TMC5: variants seen among roughly 807,000 people sequenced by gnomAD.
TMC5 encodes the protein transmembrane channel like 5, also known as transmembrane channel-like protein 5.
In TMC5, 86 loss-of-function variants were observed where a neutral mutation model predicts 110.5. The observed-to-expected ratio is 0.78, with a 90% CI of 0.65 to 0.93. TMC5 has a LOEUF of 0.93. TMC5 is among the 40% of genes least tolerant of loss of function. The pLI, the probability that TMC5 is intolerant of heterozygous loss-of-function variation, is 0.00. For missense variants in TMC5, 1,144 were observed against 1,222.8 expected (o/e 0.94, Z 0.96); for synonymous variants, 455 against 439.5 (o/e 1.04, Z -0.44).
chr16:19,434,343 T>TTATA (rs1233196809), intron 2 of TMC5, among the ~76,000 whole-genome samples: 2 of 122,196 alleles, frequency 1.6e-5, no homozygotes, highest in Admixed American at 2.1e-4. Flanking sequence ...ATAATATATA[T>TTATA]TATATGATCT....
At chr16:19,467,161 A>G (rs113558140) in intron 9 of TMC5, among the ~76,000 whole-genome samples, 19 of 150,392 alleles carry the variant, frequency 1.3e-4, no homozygotes, top group African/African-American at 4.5e-4. Context: ...AAGAGAGAGA[A>G]AGAAAGAAAA....
intron 6 of TMC5, chr16:19,462,594 T>G: frequency 1.4e-6 from 1 of 696,634 alleles, no homozygotes; most frequent in Non-Finnish European, 2.6e-6. Context: ...GCAGGGGAAC[T>G]GCCCTTTATA....
intron 7 of TMC5, 117 bp from the exon 8 acceptor site, chr16:19,463,659 G>A (rs1968085068): frequency 8.0e-7 from 1 of 1,247,414 alleles, no homozygotes; most frequent in Admixed American, 2.1e-5. Context: ...GCCTAGCATG[G>A]TGCCTGCACT....
At position 19,434,841 on chromosome 16, in the gene TMC5, G is replaced by A. The variant is rs549858972; in HGVS notation, c.-80+4201G>A. Among the ~76,000 whole-genome samples, 58 of 152,168 alleles carry A rather than the reference G, an allele frequency of 3.8e-4. 1 individual carries two copies. Among genetic ancestry groups the A allele is most frequent in the African/African-American group, 1.3e-3 (56 of 41,510 alleles). The stretch of plus-strand genomic sequence containing the variant: ...ACAATCCTATGAGATATTATTGTCA[G>A]TATTGTATGGTTGAGGAAACAGACT... On this transcript the variant is annotated intron_variant, in intron 2 of 21. Coordinates refer to ENST00000542583, the MANE Select transcript of TMC5 (RefSeq NM_001261841.2).
rs980974347 is a variant in TMC5 at position 19,492,930 on chromosome 16, A to C, written c.2826+702A>C. Among the ~76,000 whole-genome samples the C allele has an allele frequency of 1.3e-3, 152 of 114,884 alleles. 20 individuals carry two copies. The highest frequency in any genetic ancestry group is 2.5e-3 in the Non-Finnish European group (126 of 49,966). 75.4% of individuals were successfully genotyped at this position (114,884 alleles called of 152,430 possible). Reference sequence around the variant, plus strand: ...TTAAAACTTAGATATATATATATATATATCTCTCTATAAGATAAATACTTT... The same window carrying C: ...TTAAAACTTAGATATATATATATATCTATCTCTCTATAAGATAAATACTTT... On this transcript the variant is annotated intron_variant, in intron 19 of 21. Coordinates refer to ENST00000542583, the MANE Select transcript of TMC5 (RefSeq NM_001261841.2).
intron 20 of TMC5, among the ~76,000 whole-genome samples, chr16:19,496,887 C>CAAAAAAAAAAAAAAAAA (rs67040638): frequency 4.0e-4 from 32 of 80,242 alleles, no homozygotes; most frequent in African/African-American, 1.5e-3. Context: ...AAGACTCTGT[C>CAAAAAAAAAAAAAAAAA]AAAAAAAAAA....
chr16:19,419,132 T>G (rs1306747776), intron 1 of TMC5, among the ~76,000 whole-genome samples: 1 of 152,184 alleles, frequency 6.6e-6, no homozygotes, highest in Non-Finnish European at 1.5e-5. Context: ...TGACCTTGAG[T>G]GAGTTACTTA....
At chr16:19,450,223 C>T (rs1021854787) in intron 5 of TMC5, among the ~76,000 whole-genome samples, 4 of 152,166 alleles carry the variant, frequency 2.6e-5, no homozygotes, top group African/African-American at 9.7e-5. Flanking sequence ...GTGACAGAAA[C>T]CCAACTCAAA....
Position 19,473,720 on chromosome 16 carries a change from CTG to C in TMC5, c.1939-403_1939-402del, listed in dbSNP as rs557931920. 3.4e-4 allele frequency among the ~76,000 whole-genome samples: 52 copies of C among 152,288 alleles called. 1 individual carries two copies. The South Asian group carries it at 0.011, about 32-fold the overall frequency. On this transcript the variant is annotated intron_variant, in intron 11 of 21. Transcript: ENST00000542583. ...CCTAGCCGGGCGCGATGGCTCATGC[CTG>C]TAATCCCAACACCTTGGGAGGCCGA...
intron 5 of TMC5, chr16:19,456,609 C>A: frequency 1.3e-6 from 2 of 1,511,252 alleles, no homozygotes; most frequent in Non-Finnish European, 1.8e-6. Flanking sequence ...ATCATCATCA[C>A]TTTTTCCCTG....
At chr16:19,462,617 C>G in intron 6 of TMC5, 1 of 678,790 alleles carries the variant, frequency 1.5e-6, no homozygotes, top group South Asian at 1.6e-5. Flanking sequence ...ACCATCAGAT[C>G]GGCTGGGTGT....
intron 5 of TMC5, among the ~76,000 whole-genome samples, chr16:19,455,416 GTC>G (rs1171202398): frequency 6.6e-6 from 1 of 152,032 alleles, no homozygotes; most frequent in Admixed American, 6.6e-5. Flanking sequence ...GAGAGACTCT[GTC>G]TCTAAATAAA....
chr16:19,457,851 G>A (rs1967925735), intron 5 of TMC5, among the ~76,000 whole-genome samples: 1 of 149,768 alleles, frequency 6.7e-6, no homozygotes, highest in African/African-American at 2.4e-5. Flanking sequence ...AGCCTGCTGA[G>A]TAGCTGGGAT....
At chr16:19,433,828 T>C (rs1244867751) in intron 2 of TMC5, among the ~76,000 whole-genome samples, 1 of 150,698 alleles carries the variant, frequency 6.6e-6, no homozygotes, top group Non-Finnish European at 1.5e-5. Context: ...TTTCTTTCTT[T>C]CTTTTTTTTT....
chr16:19,481,125 T>G (rs755789738), intron 14 of TMC5, among the ~76,000 whole-genome samples: 3 of 152,120 alleles, frequency 2.0e-5, no homozygotes, highest in Admixed American at 6.5e-5. Context: ...TCTCTAGAAT[T>G]TTTTAAATCA....
At chr16:19,466,873 C>T (rs769364911) in intron 9 of TMC5, among the ~76,000 whole-genome samples, 21 of 152,092 alleles carry the variant, frequency 1.4e-4, no homozygotes, top group South Asian at 4.1e-4. Context: ...AGGCTGGGCA[C>T]GGTGCTCATG....
At chr16:19,492,847 A>G (rs537095738) in intron 19 of TMC5, among the ~76,000 whole-genome samples, 256 of 148,490 alleles carry the variant, frequency 1.7e-3, no homozygotes, top group African/African-American at 5.4e-3. Context: ...GTGCCACTCC[A>G]TCTGGCTCCC....
chr16:19,475,460 T>G (rs937621025), intron 12 of TMC5, among the ~76,000 whole-genome samples: 17 of 149,712 alleles, frequency 1.1e-4, no homozygotes, highest in African/African-American at 3.7e-4. Context: ...CAATGCAGAC[T>G]GAGTTTCTTT....
chr16:19,424,332 T>C (rs1213069584), intron 1 of TMC5, among the ~76,000 whole-genome samples: 1 of 152,220 alleles, frequency 6.6e-6, no homozygotes, highest in East Asian at 1.9e-4. Context: ...CATATCATAT[T>C]ACCCGTAAAC....
Sources: allele counts gnomAD v4.1 joint callset (sites outside exome capture counted in the v4.1 genomes callset), GRCh38; gene constraint gnomAD v4.1.1; transcripts MANE v1.5; gene names NCBI Gene and HGNC (gene_info 2026-07-23, HGNC 2026-07-21).